Variants in MYSM1 observed in about 807,000 individuals in gnomAD.
The protein encoded by MYSM1 is deubiquitinase MYSM1.
A neutral mutation model predicts 116.0 loss-of-function variants in MYSM1; 51 were observed. That is an observed-to-expected ratio of 0.44 (90% CI 0.35 to 0.56). MYSM1 has a LOEUF of 0.56. MYSM1 is among the 20% of genes least tolerant of loss of function. MYSM1 has a pLI of 0.00. For missense variants in MYSM1, 900 were observed against 974.9 expected, an observed-to-expected ratio of 0.92 and a Z score of 1.02; for synonymous variants, 313 against 315.2, an observed-to-expected ratio of 0.99 and a Z score of 0.07.
At chr1:58,674,943 G>GA (rs1185703147) in intron 10 of MYSM1, among the ~76,000 whole-genome samples, 12 of 138,848 alleles carry the variant, frequency 8.6e-5, no homozygotes, top group African/African-American at 2.3e-4. Context: ...AAAAAAAAAA[G>GA]AAAAAAAAAG....
chr1:58,678,257 C>G (rs1342566779), intron 8 of MYSM1, among the ~76,000 whole-genome samples: 1 of 152,006 alleles, frequency 6.6e-6, no homozygotes, highest in African/African-American at 2.4e-5. Flanking sequence ...CCACACCTTC[C>G]ATAGAAACGT....
chr1:58,675,408 A>T, intron 10 of MYSM1, 69 bp downstream of exon 10: 1 of 1,094,812 alleles, frequency 9.1e-7, no homozygotes. Flanking sequence ...GCTCAAGGTA[A>T]GTACGTAAAC....
Position 58,681,890 on chromosome 1 carries a change from A to G in MYSM1, c.1154T>C (p.Ile385Thr). Residue 385 changes from isoleucine (I) to threonine (T), a missense_variant, in exon 8 of 20, where the codon ATC (isoleucine) becomes ACC (threonine). This residue lies in a region of MYSM1 where 622 missense variants were observed against 623.7 expected (regional missense o/e 1.00). Transcript: ENST00000472487. ...TGCTTGTTTTTCTTCTTCTTGAATG[A>G]TATTTCTATCTATTTCTATTTCCTG... ...PEQEIEIDRN[I>T]IQEEEKQAIP... The G allele has an allele frequency of 6.2e-7, 1 of 1,613,802 alleles. No homozygotes were observed.
intron 3 of MYSM1, among the ~76,000 whole-genome samples, chr1:58,691,078 G>T (rs1557525276): frequency 6.6e-6 from 1 of 152,012 alleles, no homozygotes; most frequent in Non-Finnish European, 1.5e-5. Flanking sequence ...AGGAGATCGA[G>T]ACCATCCTGG....
intron 8 of MYSM1, among the ~76,000 whole-genome samples, chr1:58,680,900 C>A (rs1365301135): frequency 1.3e-5 from 2 of 151,832 alleles, no homozygotes; most frequent in Admixed American, 1.3e-4. Flanking sequence ...CGGCTCACTG[C>A]AACCTCTGCC....
In MYSM1 at chr1:58,659,947, G is replaced by GA; in HGVS notation, c.*49dup. On this transcript the variant is annotated 3_prime_UTR_variant, in exon 20 of 20. Transcript: ENST00000472487. Reference sequence around the variant, plus strand: ...ACAATCACTTCAAGTTTATAACTTTGAAAGTAAGATCTACTGTGTCAAGAT... The same window carrying GA: ...ACAATCACTTCAAGTTTATAACTTTGAAAAGTAAGATCTACTGTGTCAAGAT... 8.3e-7 allele frequency: 1 copy of GA among 1,204,342 alleles called. No homozygotes were observed. The highest frequency in any genetic ancestry group is 1.1e-6 in the Non-Finnish European group (1 of 901,434). The allele number at this position is 1,204,342 out of a possible 1,614,324, so 74.6% of individuals were successfully genotyped here. A position where few individuals can be genotyped will look rare whatever the true frequency, so the allele number is the denominator to read the frequency against.
intron 3 of MYSM1, 52 bp downstream of exon 3, chr1:58,692,809 A>T: frequency 6.9e-7 from 1 of 1,441,356 alleles, no homozygotes; most frequent in Non-Finnish European, 9.5e-7. Context: ...TTGCATTTAT[A>T]GATTTTTTTC....
intron 6 of MYSM1, among the ~76,000 whole-genome samples, chr1:58,686,329 T>C (rs1644827301): frequency 6.6e-6 from 1 of 152,190 alleles, no homozygotes; most frequent in East Asian, 1.9e-4. Context: ...TATAATTTAA[T>C]ACGTAAATCC....
intron 12 of MYSM1, among the ~76,000 whole-genome samples, chr1:58,671,493 A>T (rs1414157613): frequency 6.6e-6 from 1 of 152,154 alleles, no homozygotes; most frequent in Non-Finnish European, 1.5e-5. Context: ...AAAGGCTCAA[A>T]TTTTAGATTA....
intron 12 of MYSM1, among the ~76,000 whole-genome samples, chr1:58,669,787 C>T (rs966100620): frequency 1.5e-5 from 2 of 135,656 alleles, no homozygotes; most frequent in Non-Finnish European, 3.1e-5. Context: ...ATGATTTCAC[C>T]ACTCTACTAC....
At chr1:58,698,911 C>T (rs6659809) in intron 1 of MYSM1, among the ~76,000 whole-genome samples, 50,276 of 151,966 alleles carry the variant, frequency 0.33, 9,124 homozygotes, top group Non-Finnish European at 0.41. Flanking sequence ...GTGCCTCAAG[C>T]GCTGGGTTAG....
chr1:58,667,869 G>A lies in MYSM1; in HGVS notation c.1820C>T (p.Ser607Leu). 6.2e-7 allele frequency: 1 copy of A among 1,610,448 alleles called. No homozygotes were observed. The change falls in exon 15 of 20, where the codon TCA becomes TTA. Residue 607 changes from serine (S) to leucine (L), a missense_variant. Ser to Leu is a moderately radical substitution (Grantham distance 145, BLOSUM62 -2). Coordinates refer to ENST00000472487, the MANE Select transcript of MYSM1 (RefSeq NM_001085487.3). The stretch of plus-strand genomic sequence containing the variant: ...TACTTCAACTACTTTATCAACTTCT[G>A]AGTATCTTCCTCCTAACAGACCAAT... ...EVIGLLGGRY[S>L]EVDKVVEVCA...
At chr1:58,686,950 C>A (rs139596352) in intron 6 of MYSM1, among the ~76,000 whole-genome samples, 1 of 142,492 alleles carries the variant, frequency 7.0e-6, no homozygotes, top group African/African-American at 2.6e-5. Context: ...GGCAGCATAA[C>A]GAGACCTTGT....
At chr1:58,690,098 A>C (rs1186415637) in intron 5 of MYSM1, 128 bp downstream of exon 5, 4 of 727,848 alleles carry the variant, frequency 5.5e-6, no homozygotes, top group Non-Finnish European at 8.7e-6. Context: ...TTTATTAAAA[A>C]AACTGTTTTT....
rs1644370535 is a variant in MYSM1, at chr1:58,660,171, AG to A, written c.2329-17del. 26 of 1,492,972 alleles carry A rather than the reference AG, an allele frequency of 1.7e-5. No individual in the cohort carries two copies. The highest frequency in any genetic ancestry group is 2.3e-5 in the Non-Finnish European group (26 of 1,117,264). The allele number at this position is 1,492,972 out of a possible 1,614,324, so 92.5% of individuals were successfully genotyped here. On this transcript the variant is annotated splice_polypyrimidine_tract_variant and intron_variant, in intron 19 of 19. Coordinates refer to ENST00000472487, the MANE Select transcript of MYSM1 (RefSeq NM_001085487.3). Reference sequence around the variant, plus strand: ...ACTCCAAAAGCTAGTTGAAAAGAAAAGTTTTATATTTAAATACAGAAAAAGT... The same window carrying A: ...ACTCCAAAAGCTAGTTGAAAAGAAAATTTTATATTTAAATACAGAAAAAGT...
At chr1:58,662,131 C>A (rs1644401671) in intron 17 of MYSM1, among the ~76,000 whole-genome samples, 1 of 151,870 alleles carries the variant, frequency 6.6e-6, no homozygotes, top group African/African-American at 2.4e-5. Context: ...TAAGACTAGA[C>A]AAGAGGATAG....
chr1:58,695,655 T>C (rs1175306717), intron 1 of MYSM1, among the ~76,000 whole-genome samples: 1 of 112,410 alleles, frequency 8.9e-6, no homozygotes, highest in South Asian at 2.7e-4. Flanking sequence ...ACCTATAAAA[T>C]GAAAGAAAAA....
At position 58,668,700 on chromosome 1, in the gene MYSM1, A is replaced by T. The variant is rs1264164814; in HGVS notation, c.1717-18T>A. 1 of 1,592,674 alleles carries T rather than the reference A, an allele frequency of 6.3e-7. No individual in the cohort carries two copies. The highest frequency in any genetic ancestry group is 8.6e-7 in the Non-Finnish European group (1 of 1,168,460). On this transcript the variant is annotated intron_variant, in intron 13 of 19. Transcript: ENST00000472487. ...AATGGCTCCTGAAATATAAAAAACA[A>T]AACAAAACGGGGGAGCATAAAAATA... is the stretch of plus-strand genomic sequence containing the variant.
intron 11 of MYSM1, 144 bp downstream of exon 11, chr1:58,673,428 TG>T: frequency 1.5e-6 from 1 of 646,522 alleles, no homozygotes; most frequent in Non-Finnish European, 2.6e-6. Context: ...TGGTGTTTAC[TG>T]GTGACTTCCA....
Sources: gnomAD v4.1 joint callset for allele counts (sites outside exome capture counted in the v4.1 genomes callset) on GRCh38, gnomAD v4.1.1 for gene constraint, gnomAD v4.1.1 regional missense constraint, MANE v1.5 for transcripts, NCBI Gene and HGNC (gene_info 2026-07-23, HGNC 2026-07-21) for gene names.